ETS1: variants seen among roughly 807,000 people sequenced by gnomAD.
The protein encoded by ETS1 is protein C-ets-1.
A neutral mutation model predicts 58.6 loss-of-function variants in ETS1; 15 were observed. That is an observed-to-expected ratio of 0.26 (90% CI 0.17 to 0.39). The LOEUF is 0.39. Among genes scored for constraint, ETS1 ranks in the 10% least tolerant of loss-of-function variants. The pLI is 1.00. For synonymous variants in ETS1, 214 were observed against 218.2 expected (o/e 0.98, Z 0.17); for missense variants, 417 against 610.5 (o/e 0.68, Z 3.34).
At chr11:128,498,752 T>C (rs935799317) in intron 3 of ETS1, among the ~76,000 whole-genome samples, 2 of 152,220 alleles carry the variant, frequency 1.3e-5, no homozygotes, top group Non-Finnish European at 2.9e-5. Flanking sequence ...GCTATTGAGA[T>C]TATGATTCCT....
At chr11:128,483,229 A>G (rs902233225) in intron 7 of ETS1, among the ~76,000 whole-genome samples, 10 of 152,234 alleles carry the variant, frequency 6.6e-5, no homozygotes, top group African/African-American at 2.4e-4. Flanking sequence ...TTTGGTCCAC[A>G]GTCATTAGTT....
At chr11:128,509,335 A>C (rs1009430784) in intron 3 of ETS1, among the ~76,000 whole-genome samples, 2 of 152,212 alleles carry the variant, frequency 1.3e-5, no homozygotes, top group African/African-American at 4.8e-5. Flanking sequence ...TCCCTCTTGC[A>C]TCAAGTAGCT....
chr11:128,495,128 A>T (rs866791736), intron 3 of ETS1, among the ~76,000 whole-genome samples: 2 of 152,198 alleles, frequency 1.3e-5, no homozygotes, highest in Non-Finnish European at 2.9e-5. Context: ...TCCCCATTTC[A>T]CAGATGAGGA....
intron 7 of ETS1, 62 bp from the exon 8 acceptor site, chr11:128,480,513 A>C: frequency 6.1e-6 from 7 of 1,153,422 alleles, no homozygotes; most frequent in Non-Finnish European, 7.7e-6. Flanking sequence ...AAAAAAAAAA[A>C]CTGTAAAAAC....
intron 3 of ETS1, among the ~76,000 whole-genome samples, chr11:128,543,813 G>C (rs1274023914): frequency 6.6e-6 from 1 of 152,176 alleles, no homozygotes; most frequent in Admixed American, 6.5e-5. Flanking sequence ...TATTTGAGAG[G>C]AGAGGTAATT....
intron 2 of ETS1, among the ~76,000 whole-genome samples, chr11:128,568,624 G>T (rs1042729128): frequency 3.3e-5 from 5 of 152,148 alleles, no homozygotes; most frequent in African/African-American, 1.2e-4. Flanking sequence ...TTACGCATGG[G>T]GAAACCATGA....
At chr11:128,467,805 G>A (rs1301006291) in intron 8 of ETS1, among the ~76,000 whole-genome samples, 2 of 152,086 alleles carry the variant, frequency 1.3e-5, no homozygotes, top group Non-Finnish European at 2.9e-5. Context: ...TGCTTCTCAA[G>A]TCGAAGCTCT....
chr11:128,551,933 T>G (rs1864235582), intron 3 of ETS1, among the ~76,000 whole-genome samples: 1 of 152,152 alleles, frequency 6.6e-6, no homozygotes, highest in Non-Finnish European at 1.5e-5. Flanking sequence ...AATGCAAATT[T>G]TTGAGCCTTA....
At chr11:128,525,332 T>C (rs1010595865) in intron 3 of ETS1, among the ~76,000 whole-genome samples, 4 of 152,118 alleles carry the variant, frequency 2.6e-5, no homozygotes, top group Non-Finnish European at 4.4e-5. Flanking sequence ...ACTTTCTTTT[T>C]TATTTATACT....
chr11:128,490,685 G>T, intron 3 of ETS1, 109 bp from the exon 4 acceptor site: 1 of 767,684 alleles, frequency 1.3e-6, no homozygotes, highest in Non-Finnish European at 2.1e-6. Context: ...AACTGTGCTA[G>T]CATCCTCACC....
At chr11:128,576,698 A>C (rs1591675869) in intron 1 of ETS1, among the ~76,000 whole-genome samples, 8 of 140,226 alleles carry the variant, frequency 5.7e-5, no homozygotes, top group Non-Finnish European at 7.8e-5. Flanking sequence ...GCTCCCTCCC[A>C]CCTCTCCAGC....
rs553591338 is a variant in ETS1 at position 128,504,249 on chromosome 11, T to C, written c.215-13673A>G. Among the ~76,000 whole-genome samples the C allele has an allele frequency of 3.0e-4, 45 of 152,370 alleles. No individual in the cohort carries two copies. The East Asian group carries it at 8.5e-3, about 29-fold the overall frequency. The stretch of plus-strand genomic sequence containing the variant: ...TATAATTTTGGCCTCTATATCTCTT[T>C]GGCTTTGGCCTTTTTTATGGCCTGG... On this transcript the variant is annotated intron_variant, in intron 3 of 9. Coordinates refer to ENST00000392668, the MANE Select transcript of ETS1 (RefSeq NM_001143820.2).
chr11:128,567,744 T>C (rs1672890855), intron 2 of ETS1, among the ~76,000 whole-genome samples: 1 of 152,162 alleles, frequency 6.6e-6, no homozygotes, highest in African/African-American at 2.4e-5. Flanking sequence ...GCGATTCTCC[T>C]GTCTCAGCCT....
chr11:128,524,714 T>C (rs1863767229), intron 3 of ETS1, among the ~76,000 whole-genome samples: 1 of 152,246 alleles, frequency 6.6e-6, no homozygotes, highest in Non-Finnish European at 1.5e-5. Flanking sequence ...CCTAGCCTAG[T>C]GCCTAAGACA....
chr11:128,563,567 T>C (rs1864439857), intron 2 of ETS1, among the ~76,000 whole-genome samples: 1 of 152,216 alleles, frequency 6.6e-6, no homozygotes, highest in African/African-American at 2.4e-5. Context: ...TCATTTTTGC[T>C]GATCCATCCA....
chr11:128,495,374 A>G (rs1424588114), intron 3 of ETS1, among the ~76,000 whole-genome samples: 1 of 152,206 alleles, frequency 6.6e-6, no homozygotes. Flanking sequence ...AAAAACTTAA[A>G]ACTATTCCAA....
intron 3 of ETS1, among the ~76,000 whole-genome samples, chr11:128,544,430 A>G (rs1277009130): frequency 6.7e-6 from 1 of 149,898 alleles, no homozygotes; most frequent in Non-Finnish European, 1.5e-5. Context: ...CCCTAGGGAA[A>G]TGTAGGGAAA....
At chr11:128,523,918 C>CAAAAA (rs397745696) in intron 3 of ETS1, among the ~76,000 whole-genome samples, 1 of 142,946 alleles carries the variant, frequency 7.0e-6, no homozygotes, top group African/African-American at 2.6e-5. Context: ...AAATGAACCA[C>CAAAAA]AAAAAAAAAA....
At chr11:128,487,058 TA>T (rs1433460605) in intron 5 of ETS1, among the ~76,000 whole-genome samples, 1 of 152,234 alleles carries the variant, frequency 6.6e-6, no homozygotes. Context: ...ATAAAATGAT[TA>T]AACTTTGCTT....
Sources: allele counts gnomAD v4.1 joint callset (sites outside exome capture counted in the v4.1 genomes callset), GRCh38; gene constraint gnomAD v4.1.1; transcripts MANE v1.5; gene names NCBI Gene and HGNC (gene_info 2026-07-23, HGNC 2026-07-21).